The following FAM186A variants were observed in gnomAD, a reference collection of about 807,000 sequenced individuals.
FAM186A encodes family with sequence similarity 186 member A.
FAM186A carries 163 observed loss-of-function variants against 216.8 expected under a neutral mutation model. The ratio of observed to expected loss-of-function variants is 0.75; its 90% confidence interval spans 0.66 to 0.86. The LOEUF is 0.86. FAM186A is among the 40% of genes least tolerant of loss of function. The pLI is 0.00. For synonymous variants in FAM186A, 805 were observed against 1,025.3 expected, an observed-to-expected ratio of 0.79 and a Z score of 4.10; for missense variants, 2,184 against 2,746.2, an observed-to-expected ratio of 0.80 and a Z score of 4.58.
chr12:50,385,522 A>G (rs1943294830), intron 1 of FAM186A, among the ~76,000 whole-genome samples: 1 of 152,096 alleles, frequency 6.6e-6, no homozygotes, highest in Admixed American at 6.6e-5. Flanking sequence ...TTCCAAAAGT[A>G]TAGGCAACAA....
chr12:50,328,491 A>G (rs1210839457), intron 7 of FAM186A, among the ~76,000 whole-genome samples: 2 of 152,050 alleles, frequency 1.3e-5, no homozygotes. Context: ...AATGAAACAT[A>G]TAGTAGGTTT....
At chr12:50,379,428 A>C (rs1396420586) in intron 1 of FAM186A, among the ~76,000 whole-genome samples, 1 of 136,908 alleles carries the variant, frequency 7.3e-6, no homozygotes, top group African/African-American at 2.7e-5. Context: ...CAACAGAGCG[A>C]GACTCCCTCT....
chr12:50,363,632 A>G (rs1200935575), intron 1 of FAM186A, among the ~76,000 whole-genome samples: 1 of 152,166 alleles, frequency 6.6e-6, no homozygotes, highest in African/African-American at 2.4e-5. Context: ...TTTCATTAAA[A>G]TGACTTTTAA....
intron 1 of FAM186A, among the ~76,000 whole-genome samples, chr12:50,384,916 C>T (rs2136106382): frequency 6.6e-6 from 1 of 152,062 alleles, no homozygotes; most frequent in African/African-American, 2.4e-5. Flanking sequence ...AGTGATTCTC[C>T]TGCCTCAGCC....
intron 4 of FAM186A, among the ~76,000 whole-genome samples, chr12:50,347,701 A>T: frequency 6.6e-6 from 1 of 152,076 alleles, no homozygotes; most frequent in East Asian, 1.9e-4. Context: ...AATTCCCCGA[A>T]ATAATAGGTT....
In FAM186A at chr12:50,353,700, C is replaced by T. The variant is rs141648802; in HGVS notation, c.3132G>A (p.Glu1044=). Residue 1044 remains glutamate (E), a synonymous_variant, in exon 4 of 8, where the codon GAG becomes GAA. Coordinates refer to ENST00000327337, the MANE Select transcript of FAM186A (RefSeq NM_001145475.3). ...KTLENLPDEK[E]PISITPPPSL... is the part of the protein sequence containing the mutation. ...AGGGGGGAGGTGTGATTGATATGGGCTCCTTTTCATCAGGAAGGTTCTCTA... is the reference window on the plus strand; with the variant it reads ...AGGGGGGAGGTGTGATTGATATGGGTTCCTTTTCATCAGGAAGGTTCTCTA... 5,125 of 1,539,506 alleles carry T rather than the reference C, an allele frequency of 3.3e-3. 234 individuals are homozygous for T. In the Admixed American group the frequency reaches 0.079, roughly 24 times the overall value.
chr12:50,367,070 C>A (rs944725290), intron 1 of FAM186A, among the ~76,000 whole-genome samples: 13 of 151,886 alleles, frequency 8.6e-5, no homozygotes, highest in Non-Finnish European at 1.3e-4. Flanking sequence ...ACTTCTTCAA[C>A]ATAATAAAGG....
chr12:50,330,142 C>A (rs1156293134), intron 7 of FAM186A, among the ~76,000 whole-genome samples: 1 of 152,024 alleles, frequency 6.6e-6, no homozygotes, highest in Non-Finnish European at 1.5e-5. Context: ...TTCAGTGTAT[C>A]CTAGGAAGTA....
chr12:50,375,758 TAATAA>T (rs1943192183), intron 1 of FAM186A, among the ~76,000 whole-genome samples: 1 of 151,462 alleles, frequency 6.6e-6, no homozygotes, highest in Non-Finnish European at 1.5e-5. Context: ...AATTGAAATT[TAATAA>T]AACAGTGTCA....
intron 1 of FAM186A, among the ~76,000 whole-genome samples, chr12:50,385,145 C>A (rs564125686): frequency 6.8e-6 from 1 of 147,522 alleles, no homozygotes; most frequent in Non-Finnish European, 1.5e-5. Context: ...TATGGCCTGG[C>A]GTGGTGGCTC....
chr12:50,353,449 G>A lies in FAM186A; in HGVS notation c.3383C>T (p.Ala1128Val), dbSNP rs1406424782. 3.9e-6 allele frequency: 6 copies of A among 1,527,686 alleles called. No individual in the cohort carries two copies. Among genetic ancestry groups the A allele is most frequent in the East Asian group, 2.5e-5 (1 of 39,580 alleles). 94.6% of individuals were successfully genotyped at this position (1,527,686 alleles called of 1,614,324 possible). Residue 1128 changes from alanine to valine, a missense_variant, in exon 4 of 8, where the codon GCG becomes GTG. By Grantham distance (64) the Ala-to-Val change is moderately conservative. Around this residue, in one of 7 missense-constraint regions of FAM186A, gnomAD observed 267 missense variants for 446.2 expected, o/e 0.60. Coordinates refer to ENST00000327337, the MANE Select transcript of FAM186A (RefSeq NM_001145475.3). ...ALEILFTPQQ[A>V]QALGIPLTPQ... The stretch of plus-strand genomic sequence containing the variant: ...GGTGAGAGGGATCCCCAGGGCCTGC[G>A]CCTGCTGAGGGGTGAAAAGGATCTC...
chr12:50,335,929 G>A (rs1942703668), intron 4 of FAM186A, among the ~76,000 whole-genome samples: 1 of 151,954 alleles, frequency 6.6e-6, no homozygotes, highest in South Asian at 2.1e-4. Flanking sequence ...CTCCAGACCA[G>A]ACTGACCAAC....
chr12:50,348,719 C>T (rs36017775), intron 4 of FAM186A, among the ~76,000 whole-genome samples: 48,680 of 151,024 alleles, frequency 0.32, 8,097 homozygotes, highest in South Asian at 0.48. Flanking sequence ...CCACCATGCC[C>T]GGCTAATTTT....
At chr12:50,370,183 A>G (rs142144845) in intron 1 of FAM186A, among the ~76,000 whole-genome samples, 1,519 of 148,866 alleles carry the variant, frequency 0.01, 22 homozygotes, top group African/African-American at 0.034. Flanking sequence ...ACACTCCTGT[A>G]ATCCCAGCTA....
chr12:50,374,314 A>G (rs1296131253), intron 1 of FAM186A, among the ~76,000 whole-genome samples: 1 of 152,116 alleles, frequency 6.6e-6, no homozygotes, highest in East Asian at 1.9e-4. Flanking sequence ...TAATAAAGAA[A>G]GAAAGAAAGA....
At chr12:50,348,939 G>A (rs910230982) in intron 4 of FAM186A, among the ~76,000 whole-genome samples, 1 of 152,088 alleles carries the variant, frequency 6.6e-6, no homozygotes, top group Non-Finnish European at 1.5e-5. Context: ...TACAGGAGAT[G>A]TTTTGATACA....
chr12:50,365,302 G>A (rs1943077564), intron 1 of FAM186A, among the ~76,000 whole-genome samples: 1 of 152,046 alleles, frequency 6.6e-6, no homozygotes, highest in Non-Finnish European at 1.5e-5. Flanking sequence ...ATGTATCAAT[G>A]CAAGCCTCGG....
intron 1 of FAM186A, among the ~76,000 whole-genome samples, chr12:50,395,984 G>A (rs1943408624): frequency 1.3e-5 from 2 of 151,678 alleles, no homozygotes; most frequent in South Asian, 2.1e-4. Context: ...GGCTGGTCTT[G>A]AACTCCCGAC....
At chr12:50,378,513 G>C (rs1041839608) in intron 1 of FAM186A, among the ~76,000 whole-genome samples, 2 of 150,238 alleles carry the variant, frequency 1.3e-5, no homozygotes, top group African/African-American at 4.9e-5. Flanking sequence ...CGGGGAGACA[G>C]AGTGAGACTC....
Sources: allele counts gnomAD v4.1 joint callset (sites outside exome capture counted in the v4.1 genomes callset), GRCh38; gene constraint gnomAD v4.1.1; regional missense constraint gnomAD v4.1.1; transcripts MANE v1.5; gene names NCBI Gene and HGNC (gene_info 2026-07-23, HGNC 2026-07-21).